The following UBAP1 variants were observed in gnomAD, a reference collection of about 807,000 sequenced individuals.
UBAP1 encodes the protein ubiquitin-associated protein 1.
Under a neutral mutation model 39.0 loss-of-function variants are expected in UBAP1, and 5 were observed. The observed-to-expected ratio is 0.13, with a 90% CI of 0.07 to 0.27. The LOEUF (loss-of-function observed/expected upper bound fraction) is 0.27. UBAP1 is among the 10% of genes least tolerant of loss of function. The pLI, the probability that UBAP1 is intolerant of heterozygous loss-of-function variation, is 1.00. For synonymous variants in UBAP1, 211 were observed against 225.1 expected, an observed-to-expected ratio of 0.94 and a Z score of 0.56; for missense variants, 490 against 608.1, an observed-to-expected ratio of 0.81 and a Z score of 2.04.
intron 2 of UBAP1, among the ~76,000 whole-genome samples, chr9:34,228,323 C>T (rs1327287935): frequency 6.8e-6 from 1 of 147,230 alleles, no homozygotes; most frequent in Admixed American, 7.0e-5. Context: ...GAGGCTGAGG[C>T]AGGAGAATAG....
At chr9:34,184,926 CTTTTTTTTTTTTTTTT>C (rs35634769) in intron 1 of UBAP1, among the ~76,000 whole-genome samples, 49,823 of 108,030 alleles carry the variant, frequency 0.46, 10,246 homozygotes, top group East Asian at 0.79. Context: ...CCAGCCAATC[CTTTTTTTTTTTTTTTT>C]TTTTTTTTTG....
intron 1 of UBAP1, among the ~76,000 whole-genome samples, chr9:34,213,917 T>TA (rs1234887737): frequency 6.8e-6 from 1 of 147,814 alleles, no homozygotes; most frequent in African/African-American, 2.5e-5. Context: ...CAACCCCTTT[T>TA]ACAACAGCTG....
rs118075916 is a variant in UBAP1, at chr9:34,218,904, G to A, written c.-7-2004G>A. On this transcript the variant is annotated intron_variant, in intron 1 of 6. Transcript: ENST00000297661. ...ATAAAGATTGTGCCACTGCACTCCAGCCTGGGTGACAGCAAGATGCCTGTG... is the reference window on the plus strand; with the variant it reads ...ATAAAGATTGTGCCACTGCACTCCAACCTGGGTGACAGCAAGATGCCTGTG... Among the ~76,000 whole-genome samples, 290 of 152,304 alleles carry A rather than the reference G, an allele frequency of 1.9e-3. 3 individuals are homozygous for A. In the East Asian group the frequency reaches 0.047, roughly 25 times the overall value.
intron 2 of UBAP1, among the ~76,000 whole-genome samples, chr9:34,226,170 G>A (rs1833091265): frequency 1.2e-5 from 1 of 86,580 alleles, no homozygotes; most frequent in African/African-American, 3.9e-5. Context: ...GGGCTGGAGG[G>A]ATTGCTTGAG....
At position 34,249,849 on chromosome 9, in the gene UBAP1, T is replaced by C. The variant is rs749245353; in HGVS notation, c.1154T>C (p.Leu385Pro). ...AGCTGTCCCCAGGCCTATTCTGAAC[T>C]GCAGATGCTGTCCCCCAGCGAGCGG... is the stretch of plus-strand genomic sequence containing the variant. ...MPSCPQAYSE[L>P]QMLSPSERQC... The change falls in exon 5 of 7, where the codon CTG becomes CCG. Residue 385 changes from leucine (L) to proline (P), a missense_variant. By Grantham distance (98) the Leu-to-Pro change is moderately conservative. This residue lies in a region of UBAP1 where 339 missense variants were observed against 390.0 expected (regional missense o/e 0.87). Coordinates refer to ENST00000297661, the MANE Select transcript of UBAP1 (RefSeq NM_016525.5). 10 of 1,614,238 alleles carry C rather than the reference T, an allele frequency of 6.2e-6. No homozygotes were observed. The South Asian group carries it at 1.1e-4, about 18-fold the overall frequency.
chr9:34,220,616 AG>A, intron 1 of UBAP1: 1 of 299,318 alleles, frequency 3.3e-6, no homozygotes, highest in Non-Finnish European at 6.3e-6. Context: ...TGAGCCACCA[AG>A]CCTGGCCTCG....
intron 1 of UBAP1, among the ~76,000 whole-genome samples, chr9:34,194,842 T>A (rs940110566): frequency 2.6e-5 from 4 of 152,010 alleles, no homozygotes; most frequent in Admixed American, 1.3e-4. Context: ...CAGTGGGGGG[T>A]TGTATACCAA....
intron 3 of UBAP1, among the ~76,000 whole-genome samples, chr9:34,236,922 A>C (rs534451718): frequency 1.3e-5 from 2 of 151,970 alleles, no homozygotes; most frequent in South Asian, 2.1e-4. Flanking sequence ...GTTCCCTCCA[A>C]ACCACGTTAC....
intron 3 of UBAP1, 44 bp from the exon 4 acceptor site, chr9:34,241,141 G>A: frequency 7.3e-7 from 1 of 1,365,412 alleles, no homozygotes; most frequent in Non-Finnish European, 9.6e-7. Context: ...GGGTAAAGAT[G>A]GCCACCTGGG....
chr9:34,196,260 C>T (rs1050434169), intron 1 of UBAP1, among the ~76,000 whole-genome samples: 4 of 151,340 alleles, frequency 2.6e-5, no homozygotes, highest in African/African-American at 9.7e-5. Flanking sequence ...CTACCTCAGC[C>T]TCTTGAGTAG....
chr9:34,216,499 A>AT (rs913782831), intron 1 of UBAP1, among the ~76,000 whole-genome samples: 2 of 151,358 alleles, frequency 1.3e-5, no homozygotes, highest in African/African-American at 4.9e-5. Flanking sequence ...TTTATTTTAA[A>AT]TTTTTTTTAG....
At chr9:34,182,643 CTTTCTTTCTTTCTTTCTTTCTT>C (rs1830122350) in intron 1 of UBAP1, among the ~76,000 whole-genome samples, 5 of 91,822 alleles carry the variant, frequency 5.4e-5, no homozygotes, top group Admixed American at 4.6e-4. Flanking sequence ...TTCTTTCTTT[CTTTCTTTCTTTCTTTCTTTCTT>C]TCTTTCTTTC....
chr9:34,202,454 C>T (rs1382918441), intron 1 of UBAP1, among the ~76,000 whole-genome samples: 1 of 151,846 alleles, frequency 6.6e-6, no homozygotes, highest in Non-Finnish European at 1.5e-5. Flanking sequence ...TTAAGACTCA[C>T]AATGAGAAAG....
intron 1 of UBAP1, among the ~76,000 whole-genome samples, chr9:34,202,624 C>CCTGT (rs1491103579): frequency 0.011 from 1,166 of 107,242 alleles, 131 homozygotes; most frequent in Middle Eastern, 0.041. Flanking sequence ...TAGACAGAAA[C>CCTGT]GTGTGTGTGT....
At chr9:34,233,023 A>T (rs970009327) in intron 2 of UBAP1, among the ~76,000 whole-genome samples, 1 of 152,116 alleles carries the variant, frequency 6.6e-6, no homozygotes, top group Middle Eastern at 3.4e-3. Flanking sequence ...TGGTCTTTCC[A>T]TGTTGTTCAG....
intron 2 of UBAP1, among the ~76,000 whole-genome samples, chr9:34,230,056 A>AG (rs1833326857): frequency 6.6e-6 from 1 of 152,018 alleles, no homozygotes; most frequent in African/African-American, 2.4e-5. Context: ...ATTTAAGAAA[A>AG]TTTAGTTGTT....
At chr9:34,242,365 C>T (rs974182536) in intron 4 of UBAP1, among the ~76,000 whole-genome samples, 1 of 152,114 alleles carries the variant, frequency 6.6e-6, no homozygotes, top group African/African-American at 2.4e-5. Context: ...CCAGGCTGGT[C>T]TCAAACTCCT....
chr9:34,182,877 A>AT (rs1480868392), intron 1 of UBAP1, among the ~76,000 whole-genome samples: 1 of 151,630 alleles, frequency 6.6e-6, no homozygotes, highest in Non-Finnish European at 1.5e-5. Flanking sequence ...CGCCTGGCTA[A>AT]TTTTTTGTAG....
chr9:34,230,726 G>C (rs2131600675), intron 2 of UBAP1, among the ~76,000 whole-genome samples: 1 of 152,220 alleles, frequency 6.6e-6, no homozygotes, highest in Non-Finnish European at 1.5e-5. Context: ...GCACTTTTTT[G>C]GTGGTGCTGG....
Sources: gnomAD v4.1 joint callset for allele counts (sites outside exome capture counted in the v4.1 genomes callset) on GRCh38, gnomAD v4.1.1 for gene constraint, gnomAD v4.1.1 regional missense constraint, MANE v1.5 for transcripts, NCBI Gene and HGNC (gene_info 2026-07-23, HGNC 2026-07-21) for gene names.